ABL1: variants seen among roughly 807,000 people sequenced by gnomAD.
ABL1 encodes tyrosine-protein kinase ABL1.
A neutral mutation model predicts 94.7 loss-of-function variants in ABL1; 11 were observed. The observed-to-expected ratio is 0.12, with a 90% CI of 0.07 to 0.19. ABL1 has a LOEUF of 0.19. Among genes scored for constraint, ABL1 ranks in the 10% least tolerant of loss-of-function variants. ABL1 has a pLI of 1.00. For synonymous variants in ABL1, 656 were observed against 622.4 expected, an observed-to-expected ratio of 1.05 and a Z score of -0.80; for missense variants, 1,082 against 1,489.4, an observed-to-expected ratio of 0.73 and a Z score of 4.50.
chr9:130,867,355 T>C (rs1831172550), intron 4 of ABL1, among the ~76,000 whole-genome samples: 1 of 152,216 alleles, frequency 6.6e-6, no homozygotes, highest in South Asian at 2.1e-4. Context: ...TATGGATATA[T>C]TTTAACATGT....
upstream of ABL1, chr9:130,835,009 C>T: frequency 2.9e-6 from 1 of 350,546 alleles, no homozygotes; most frequent in South Asian, 2.0e-5. The surrounding 1 kb of genome is among the most constrained non-coding windows in gnomAD (Gnocchi z 4.6). Context: ...CTGCACCCTC[C>T]CCGCCGGGGC....
intron 10 of ABL1, among the ~76,000 whole-genome samples, chr9:130,882,705 T>C (rs1411353901): frequency 6.6e-6 from 1 of 152,072 alleles, no homozygotes; most frequent in Admixed American, 6.5e-5. Context: ...CAGCTAATTT[T>C]TGCATTTTTT....
At chr9:130,762,937 C>G (rs1417695990) in intron 1 of ABL1, among the ~76,000 whole-genome samples, 1 of 149,970 alleles carries the variant, frequency 6.7e-6, no homozygotes, top group Admixed American at 6.6e-5. Flanking sequence ...GAAAAGGAAA[C>G]CTGAATAGTC....
chr9:130,851,766 CT>C (rs149948786), intron 1 of ABL1, among the ~76,000 whole-genome samples: 21,654 of 122,588 alleles, frequency 0.18, 1,620 homozygotes, highest in African/African-American at 0.31. Context: ...CTCTCTTTTT[CT>C]TTTTTTTTTT....
intron 1 of ABL1, among the ~76,000 whole-genome samples, chr9:130,740,819 ATTTTTTT>A (rs34323373): frequency 0.011 from 1,115 of 97,842 alleles, 23 homozygotes; most frequent in African/African-American, 0.044. Flanking sequence ...CCACACCCAG[ATTTTTTT>A]TTTTTTTTTT....
rs779798157 is a variant in ABL1 at position 130,885,329 on chromosome 9, G to A, written c.3039G>A (p.Arg1013=). Residue 1013 remains arginine (R), a synonymous_variant, in exon 11 of 11, where the codon CGG becomes CGA. Coordinates refer to ENST00000318560, the MANE Select transcript of ABL1 (RefSeq NM_005157.6). ...IPLISTRVSL[R]KTRQPPERIA... ...TCATATCAACCCGAGTGTCTCTTCGGAAAACCCGCCAGCCTCCAGAGCGGA... is the reference window on the plus strand; with the variant it reads ...TCATATCAACCCGAGTGTCTCTTCGAAAAACCCGCCAGCCTCCAGAGCGGA... The A allele has an allele frequency of 1.2e-6, 2 of 1,613,596 alleles. No individual in the cohort carries two copies. The highest frequency in any genetic ancestry group is 2.2e-5 in the South Asian group (2 of 91,084).
Position 130,885,424 on chromosome 9 carries a change from G to C in ABL1, c.3134G>C (p.Arg1045Thr). 6.2e-7 allele frequency: 1 copy of C among 1,613,724 alleles called. No individual in the cohort carries two copies. Among genetic ancestry groups the C allele is most frequent in the Non-Finnish European group, 8.5e-7 (1 of 1,180,040 alleles). Residue 1045 changes from arginine to threonine, a missense_variant, in exon 11 of 11, where the codon AGG becomes ACG. Arg to Thr is a moderately conservative substitution (Grantham distance 71). Coordinates refer to ENST00000318560, the MANE Select transcript of ABL1 (RefSeq NM_005157.6). ...STEALCLAIS[R>T]NSEQMASHSA... ...GAGGCGCTGTGCCTCGCCATCTCTA[G>C]GAACTCCGAGCAGATGGCCAGCCAC...
At position 130,784,101 on chromosome 9, in the gene ABL1, T is replaced by C. The variant is rs35759310; in HGVS notation, c.136+69646T>C. On this transcript the variant is annotated intron_variant, in intron 1 of 10. Transcript: ENST00000372348. ...CTTTAATTGATTCTAAAATGTACATTATTTCTCATTTTTAAAAAAAATCTC... is the reference window on the plus strand; with the variant it reads ...CTTTAATTGATTCTAAAATGTACATCATTTCTCATTTTTAAAAAAAATCTC... Among the ~76,000 whole-genome samples the C allele has an allele frequency of 8.9e-3, 1,277 of 143,110 alleles. 17 individuals carry two copies. Among genetic ancestry groups the C allele is most frequent in the African/African-American group, 0.031 (1,196 of 38,084 alleles). 93.9% of individuals were successfully genotyped at this position (143,110 alleles called of 152,430 possible). A position where few individuals can be genotyped will look rare whatever the true frequency, so the allele number is the denominator to read the frequency against.
intron 1 of ABL1, among the ~76,000 whole-genome samples, chr9:130,727,123 G>A (rs570522045): frequency 6.6e-6 from 1 of 152,114 alleles, no homozygotes; most frequent in Admixed American, 6.5e-5. Context: ...AAAAAAGTTT[G>A]TGTTGTTGCA....
chr9:130,865,002 T>C lies in ABL1; in HGVS notation c.822+1967T>C, dbSNP rs141806907. ...AACGCTACTTCAGTAGATGGTGCTG[T>C]GGCATTGTTTTCTGAACAACTGAAG... On this transcript the variant is annotated intron_variant, in intron 4 of 10. Coordinates refer to ENST00000318560, the MANE Select transcript of ABL1 (RefSeq NM_005157.6). Among the ~76,000 whole-genome samples the C allele has an allele frequency of 2.8e-3, 429 of 152,304 alleles. 2 individuals carry two copies. Among genetic ancestry groups the C allele is most frequent in the African/African-American group, 0.01 (419 of 41,562 alleles).
At position 130,772,590 on chromosome 9, in the gene ABL1, C is replaced by A. The variant is rs571497363; in HGVS notation, c.136+58135C>A. 1.4e-4 allele frequency among the ~76,000 whole-genome samples: 21 copies of A among 152,196 alleles called. No homozygotes were observed. The South Asian group carries it at 4.2e-3, about 30-fold the overall frequency. ...TTTTTGGTGGGAGAAGAGGAGGAGA[C>A]GGGATCTGGGCATATGAAGAGGCCT... On this transcript the variant is annotated intron_variant, in intron 1 of 10. Transcript: ENST00000372348.
rs191092535 is a variant in ABL1 at position 130,854,278 on chromosome 9, A to G, written c.253+41A>G. 63 of 1,596,926 alleles carry G rather than the reference A, an allele frequency of 3.9e-5. 1 individual carries two copies. In the Middle Eastern group the frequency reaches 1.2e-3, roughly 32 times the overall value. On this transcript the variant is annotated intron_variant, in intron 2 of 10. Coordinates refer to ENST00000318560, the MANE Select transcript of ABL1 (RefSeq NM_005157.6). Reference sequence around the variant, plus strand: ...GCAGCTAGTGGTGGTTGCAGGAGATAGAAATCTGGGAATTGCGGTTTGACC... The same window carrying G: ...GCAGCTAGTGGTGGTTGCAGGAGATGGAAATCTGGGAATTGCGGTTTGACC...
chr9:130,730,507 T>C (rs1831650654), intron 1 of ABL1, among the ~76,000 whole-genome samples: 1 of 152,148 alleles, frequency 6.6e-6, no homozygotes, highest in African/African-American at 2.4e-5. Context: ...GTTCACCTCT[T>C]TTGTCCATTT....
At chr9:130,720,207 A>G (rs902554520) in intron 1 of ABL1, among the ~76,000 whole-genome samples, 6 of 152,220 alleles carry the variant, frequency 3.9e-5, no homozygotes, top group African/African-American at 1.4e-4. Context: ...GAGGAGACAC[A>G]TCATAAATAA....
chr9:130,768,969 C>T (rs938799950), intron 1 of ABL1, among the ~76,000 whole-genome samples: 10 of 151,930 alleles, frequency 6.6e-5, no homozygotes, highest in African/African-American at 2.2e-4. Flanking sequence ...AGAGAAAAAT[C>T]GGGTCTGTAA....
intron 1 of ABL1, among the ~76,000 whole-genome samples, chr9:130,813,399 A>C (rs1265319112): frequency 6.6e-6 from 1 of 150,970 alleles, no homozygotes; most frequent in Non-Finnish European, 1.5e-5. Context: ...TTCTCTACTA[A>C]AAATACAAAA....
chr9:130,790,019 T>G (rs936653799), intron 1 of ABL1, among the ~76,000 whole-genome samples: 5 of 152,228 alleles, frequency 3.3e-5, no homozygotes, highest in African/African-American at 1.2e-4. Flanking sequence ...AGTGAGAATC[T>G]TCACAATTGA....
At chr9:130,833,347 G>A (rs1564303687), upstream of ABL1, among the ~76,000 whole-genome samples, 2 of 152,198 alleles carry the variant, frequency 1.3e-5, no homozygotes, top group Admixed American at 1.3e-4. Context: ...GACAGATACT[G>A]TATTTTTTCA....
In ABL1 at chr9:130,884,264, G is replaced by A. The variant is rs920601940; in HGVS notation, c.1974G>A (p.Lys658=). ...FTPLDTADPA[K]SPKPSNGAGV... The stretch of plus-strand genomic sequence containing the variant: ...CCTTGGACACAGCTGACCCAGCCAA[G>A]TCCCCAAAGCCCAGCAATGGGGCTG... Residue 658 remains lysine (K), a synonymous_variant, in exon 11 of 11, where the codon AAG becomes AAA. Transcript: ENST00000318560. The surrounding 1 kb of genome is among the most constrained non-coding windows in gnomAD (Gnocchi z 5.6). 2 of 1,597,892 alleles carry A rather than the reference G, an allele frequency of 1.3e-6. No homozygotes were observed. Among genetic ancestry groups the A allele is most frequent in the East Asian group, 4.5e-5 (2 of 44,694 alleles).
Sources: allele counts gnomAD v4.1 joint callset (sites outside exome capture counted in the v4.1 genomes callset), GRCh38; gene constraint gnomAD v4.1.1; non-coding constraint Gnocchi (gnomAD v3.1); transcripts MANE v1.5; gene names NCBI Gene and HGNC (gene_info 2026-07-23, HGNC 2026-07-21).